Variants in CLIP1 observed in about 807,000 individuals in gnomAD.
CLIP1 encodes the protein CAP-Gly domain-containing linker protein 1.
A neutral mutation model predicts 161.6 loss-of-function variants in CLIP1; 66 were observed. That is an observed-to-expected ratio of 0.41 (90% confidence interval 0.33 to 0.50). CLIP1 has a LOEUF of 0.50. Among genes scored for constraint, CLIP1 ranks in the 20% least tolerant of loss-of-function variants. The pLI, the probability that CLIP1 is intolerant of heterozygous loss-of-function variation, is 0.27. For synonymous variants in CLIP1, 598 were observed against 626.2 expected, an observed-to-expected ratio of 0.96 and a Z score of 0.67; for missense variants, 1,376 against 1,702.0, an observed-to-expected ratio of 0.81 and a Z score of 3.37.
At position 122,372,323 on chromosome 12, in the gene CLIP1, G is replaced by A. The variant is rs1954490825; in HGVS notation, c.657+5066C>T. 1.3e-5 allele frequency among the ~76,000 whole-genome samples: 2 copies of A among 152,010 alleles called. 1 individual carries two copies. Among genetic ancestry groups the A allele is most frequent in the South Asian group, 4.1e-4 (2 of 4,826 alleles). Reference sequence around the variant, plus strand: ...TAATCCCAGCTACTCAGGAGGCTGAGACAGGAGAATCACTTGAACCCGGGA... The same window carrying A: ...TAATCCCAGCTACTCAGGAGGCTGAAACAGGAGAATCACTTGAACCCGGGA... On this transcript the variant is annotated intron_variant, in intron 3 of 25. Coordinates refer to ENST00000620786, the MANE Select transcript of CLIP1 (RefSeq NM_001247997.2).
rs376185142 is a variant in CLIP1 at position 122,278,208 on chromosome 12, T to C, written c.3917-5A>G. On this transcript the variant is annotated splice_region_variant and splice_polypyrimidine_tract_variant and intron_variant, in intron 23 of 25. Coordinates refer to ENST00000620786, the MANE Select transcript of CLIP1 (RefSeq NM_001247997.2). ...CTGCCTGAGTGTCTGTATTACCTTA[T>C]ATTTGAGGAAAAAAAAAAAAAAACA... is the stretch of plus-strand genomic sequence containing the variant. 156 of 1,554,174 alleles carry C rather than the reference T, an allele frequency of 1.0e-4. No homozygotes were observed. Among genetic ancestry groups the C allele is most frequent in the Middle Eastern group, 1.7e-4 (1 of 5,920 alleles).
chr12:122,381,971 T>G (rs1210398455), intron 1 of CLIP1, among the ~76,000 whole-genome samples: 3 of 152,194 alleles, frequency 2.0e-5, no homozygotes, highest in Admixed American at 2.0e-4. Flanking sequence ...ACGCCTGTAA[T>G]CCCAACACTT....
intron 21 of CLIP1, among the ~76,000 whole-genome samples, chr12:122,287,404 G>C (rs1156848325): frequency 6.6e-6 from 1 of 152,186 alleles, no homozygotes; most frequent in Non-Finnish European, 1.5e-5. Flanking sequence ...TACTTCACAA[G>C]AGCATGGAGA....
intron 1 of CLIP1, among the ~76,000 whole-genome samples, chr12:122,385,541 T>C (rs1321732415): frequency 1.3e-5 from 2 of 152,122 alleles, no homozygotes; most frequent in Non-Finnish European, 2.9e-5. Context: ...AGTGAGAAGA[T>C]TCATCCCTTT....
At chr12:122,399,268 ATC>A (rs1287682062) in intron 1 of CLIP1, 2 of 152,150 alleles carry the variant, frequency 1.3e-5, no homozygotes, top group Admixed American at 6.6e-5. Flanking sequence ...ATTAAATAAG[ATC>A]TGTTTCTAAC....
intron 1 of CLIP1, among the ~76,000 whole-genome samples, chr12:122,384,709 C>T (rs921993528): frequency 6.6e-6 from 1 of 151,044 alleles, no homozygotes; most frequent in Non-Finnish European, 1.5e-5. Flanking sequence ...TACAGTGGGC[C>T]GAGATCGCGC....
chr12:122,287,116 G>A (rs1020055045), intron 21 of CLIP1, among the ~76,000 whole-genome samples: 3 of 152,198 alleles, frequency 2.0e-5, no homozygotes, highest in South Asian at 2.1e-4. Context: ...TGAGGCTGCC[G>A]TAAGCCATGA....
At chr12:122,291,099 G>T (rs1329086652) in intron 20 of CLIP1, among the ~76,000 whole-genome samples, 3 of 151,704 alleles carry the variant, frequency 2.0e-5, no homozygotes, top group Non-Finnish European at 2.9e-5. Context: ...CACCATGTTG[G>T]CCAGGCTGGT....
At chr12:122,298,728 G>A (rs112150915) in intron 20 of CLIP1, among the ~76,000 whole-genome samples, 37 of 152,290 alleles carry the variant, frequency 2.4e-4, no homozygotes, top group African/African-American at 8.4e-4. Flanking sequence ...GATGAGCCAG[G>A]TGGATCACTT....
At chr12:122,387,815 G>A (rs942522132) in intron 1 of CLIP1, among the ~76,000 whole-genome samples, 24 of 151,368 alleles carry the variant, frequency 1.6e-4, no homozygotes, top group Admixed American at 5.9e-4. Flanking sequence ...GGAACTCCTG[G>A]GCTCAAGCGA....
intron 9 of CLIP1, 23 bp downstream of exon 9, chr12:122,351,088 C>T: frequency 2.0e-6 from 3 of 1,528,850 alleles, no homozygotes; most frequent in Admixed American, 1.9e-5. Flanking sequence ...GGGAAATATC[C>T]ACACAGTTAA....
rs199685891 is a variant in CLIP1, at chr12:122,390,302, A to G, written c.-106-9744T>C. Reference sequence around the variant, plus strand: ...TACATATATATATATATATATATATATGTATATATATATATATTATTTTTT... The same window carrying G: ...TACATATATATATATATATATATATGTGTATATATATATATATTATTTTTT... On this transcript the variant is annotated intron_variant, in intron 1 of 25. Coordinates refer to ENST00000620786, the MANE Select transcript of CLIP1 (RefSeq NM_001247997.2). Among the ~76,000 whole-genome samples, 404 of 111,866 alleles carry G rather than the reference A, an allele frequency of 3.6e-3. 3 individuals are homozygous for G. Among genetic ancestry groups the G allele is most frequent in the African/African-American group, 0.013 (373 of 29,778 alleles). The allele number at this position is 111,866 out of a possible 152,430, so 73.4% of individuals were successfully genotyped here.
chr12:122,365,867 G>A (rs139690896), intron 3 of CLIP1, among the ~76,000 whole-genome samples: 2,857 of 151,970 alleles, frequency 0.019, 75 homozygotes, highest in African/African-American at 0.062. Context: ...AAAATTAGCC[G>A]GGCATAGTGG....
In CLIP1 at chr12:122,377,629, T is replaced by C. The variant is rs780960348; in HGVS notation, c.417A>G (p.Thr139=). 44 of 1,613,730 alleles carry C rather than the reference T, an allele frequency of 2.7e-5. No homozygotes were observed. The highest frequency in any genetic ancestry group is 3.5e-5 in the Non-Finnish European group (41 of 1,179,992). Residue 139 remains threonine, a synonymous_variant, in exon 3 of 26, where the codon ACA becomes ACG. Transcript: ENST00000620786. Reference sequence around the variant, plus strand: ...GTGAAGTAGCTCGGGAGGCGGGCGTTGTCTGCAGGCCATTAGCTTCATCTT... The same window carrying C: ...GTGAAGTAGCTCGGGAGGCGGGCGTCGTCTGCAGGCCATTAGCTTCATCTT... The part of the protein sequence containing the change: ...QAEDEANGLQ[T]TPASRATSPL...
At chr12:122,365,402 C>T in intron 3 of CLIP1, 2 of 818,766 alleles carry the variant, frequency 2.4e-6, no homozygotes, top group South Asian at 2.7e-5. Context: ...GGGCAAGATT[C>T]TTGCCAAGAG....
In CLIP1 at chr12:122,273,011, G is replaced by C; in HGVS notation, c.4181C>G (p.Pro1394Arg). 1 of 1,614,164 alleles carries C rather than the reference G, an allele frequency of 6.2e-7. No homozygotes were observed. The highest frequency in any genetic ancestry group is 8.5e-7 in the Non-Finnish European group (1 of 1,180,020). ...GTCCTCTGACATCTGTGCCTGGGTA[G>C]GACAATCCTCTGTGTCGTGGAGATC... ...CFDLHDTEDC[P>R]TQAQMSEDPP... Residue 1394 changes from proline to arginine, a missense_variant, in exon 26 of 26, where the codon CCT becomes CGT. Pro to Arg is a moderately radical substitution (Grantham distance 103). Transcript: ENST00000620786.
chr12:122,302,245 C>T (rs1950710389), intron 20 of CLIP1, among the ~76,000 whole-genome samples: 1 of 152,074 alleles, frequency 6.6e-6, no homozygotes, highest in Non-Finnish European at 1.5e-5. Flanking sequence ...GGATTACAGG[C>T]ATGCGCCACC....
chr12:122,276,443 T>C lies in CLIP1; in HGVS notation c.3966+1711A>G, dbSNP rs758122491. The C allele has an allele frequency of 1.6e-4, 204 of 1,284,420 alleles. 1 individual carries two copies. The Middle Eastern group carries it at 5.7e-3, about 36-fold the overall frequency. 79.6% of individuals were successfully genotyped at this position (1,284,420 alleles called of 1,614,324 possible). The stretch of plus-strand genomic sequence containing the variant: ...ATTAGGAAACATGAAACGAACCATT[T>C]GCTGATTGGAAGAAAAGTGTTGTCA... On this transcript the variant is annotated intron_variant, in intron 24 of 25. Transcript: ENST00000620786.
At chr12:122,302,100 TTTA>T (rs908142835) in intron 20 of CLIP1, among the ~76,000 whole-genome samples, 1 of 151,970 alleles carries the variant, frequency 6.6e-6, no homozygotes. Flanking sequence ...ATTATTATTT[TTTA>T]TTATTATTAT....
Sources: allele counts gnomAD v4.1 joint callset (sites outside exome capture counted in the v4.1 genomes callset), GRCh38; gene constraint gnomAD v4.1.1; transcripts MANE v1.5; gene names NCBI Gene and HGNC (gene_info 2026-07-23, HGNC 2026-07-21).